GIT2: variants seen among roughly 807,000 people sequenced by gnomAD.
The protein encoded by GIT2 is GIT ArfGAP 2.
In GIT2, 32 loss-of-function variants were observed where a neutral mutation model predicts 100.3. That is an observed-to-expected ratio of 0.32 (90% confidence interval 0.24 to 0.43). The LOEUF is 0.43. Among genes scored for constraint, GIT2 ranks in the 20% least tolerant of loss-of-function variants. The pLI is 1.00. For missense variants in GIT2, 737 were observed against 975.1 expected, an observed-to-expected ratio of 0.76 and a Z score of 3.25; for synonymous variants, 353 against 364.1, an observed-to-expected ratio of 0.97 and a Z score of 0.35.
intron 8 of GIT2, 121 bp downstream of exon 8, chr12:109,967,337 T>C (rs754951239): frequency 8.1e-6 from 13 of 1,597,488 alleles, no homozygotes; most frequent in South Asian, 5.6e-5. Flanking sequence ...CCAAATGGTA[T>C]AGCCATAAAA....
At position 109,947,283 on chromosome 12, in the gene GIT2, CCTG is replaced by C; in HGVS notation, c.1611_1613del (p.Ser537del). On this transcript the variant is annotated inframe_deletion, in exon 15 of 20. Coordinates refer to ENST00000355312, the MANE Select transcript of GIT2 (RefSeq NM_057169.5). The surrounding 1 kb of genome is among the most constrained non-coding windows in gnomAD (Gnocchi z 4.3). ...GCGCGGGGAAGGGCTGGAGTCTCAT[CCTG>C]CTCTCTTCGGGGCGGCTCGCTTCTC... 6.2e-7 allele frequency: 1 copy of C among 1,614,108 alleles called. No homozygotes were observed. The highest frequency in any genetic ancestry group is 8.5e-7 in the Non-Finnish European group (1 of 1,180,004).
At chr12:109,963,838 C>A (rs1234477104) in intron 9 of GIT2, among the ~76,000 whole-genome samples, 2 of 152,156 alleles carry the variant, frequency 1.3e-5, no homozygotes, top group African/African-American at 2.4e-5. Flanking sequence ...CCACTCTGAG[C>A]AGTTCTGGCC....
rs575013343 is a variant in GIT2, at chr12:109,989,603, C to A, written c.299+87G>T. On this transcript the variant is annotated intron_variant, in intron 3 of 19. Coordinates refer to ENST00000355312, the MANE Select transcript of GIT2 (RefSeq NM_057169.5). ...GTAACCCCCTCCTCTGCTGCCCTTGCGGAGACTGACCAAAAATAGCTGCAC... is the reference window on the plus strand; with the variant it reads ...GTAACCCCCTCCTCTGCTGCCCTTGAGGAGACTGACCAAAAATAGCTGCAC... The A allele has an allele frequency of 1.5e-5, 11 of 751,256 alleles. No individual in the cohort carries two copies. In the Admixed American group the frequency reaches 2.1e-4, roughly 15 times the overall value. The allele number at this position is 751,256 out of a possible 1,614,324, so 46.5% of individuals were successfully genotyped here.
chr12:109,998,016 G>C (rs1197396563), upstream of GIT2: 1 of 152,230 alleles, frequency 6.6e-6, no homozygotes, highest in Non-Finnish European at 1.5e-5. Context: ...ACTCTGGTAA[G>C]CAAAACGATG....
In GIT2 at chr12:109,991,707, T is replaced by G. The variant is rs1170274739; in HGVS notation, c.106A>C (p.Ser36Arg). The G allele has an allele frequency of 6.2e-7, 1 of 1,612,538 alleles. No individual in the cohort carries two copies. Among genetic ancestry groups the G allele is most frequent in the East Asian group, 2.2e-5 (1 of 44,878 alleles). Reference protein sequence around the residue: ...RGTFLCDECCSVHRSLGRHIS... With the variant: ...RGTFLCDECCRVHRSLGRHIS... The stretch of plus-strand genomic sequence containing the variant: ...TGGCGCCCTAGACTCCGATGGACAC[T>G]GCAGCACTCATCACATAAAAACGTT... Residue 36 changes from serine (S) to arginine (R), a missense_variant, in exon 2 of 20, where the codon AGT becomes CGT. By Grantham distance (110) the Ser-to-Arg change is moderately radical. This residue lies in a region of GIT2 where 266 missense variants were observed against 376.2 expected (regional missense o/e 0.71). Transcript: ENST00000355312.
At chr12:109,953,376 C>T (rs2136295694) in intron 12 of GIT2, 142 bp from the exon 13 acceptor site, 1 of 770,098 alleles carries the variant, frequency 1.3e-6, no homozygotes, top group South Asian at 1.7e-5. Flanking sequence ...TCCCAGCATT[C>T]TAGGAGGCCA....
At chr12:109,991,522 C>A in intron 2 of GIT2, 105 bp downstream of exon 2, 2 of 817,560 alleles carry the variant, frequency 2.4e-6, no homozygotes, top group Non-Finnish European at 4.0e-6. Flanking sequence ...AATTATGAAA[C>A]AGTTTTGTCT....
At chr12:109,960,596 T>A (rs946788795) in intron 11 of GIT2, among the ~76,000 whole-genome samples, 2 of 151,848 alleles carry the variant, frequency 1.3e-5, no homozygotes, top group African/African-American at 4.8e-5. Context: ...AAAAAAAAAA[T>A]TTAAGTTAAA....
chr12:109,971,451 G>C (rs773485070), intron 7 of GIT2, among the ~76,000 whole-genome samples: 3 of 151,748 alleles, frequency 2.0e-5, no homozygotes, highest in South Asian at 4.2e-4. Flanking sequence ...TCAGCCTCCC[G>C]AATAGCTGGG....
At chr12:109,939,426 T>G (rs1565935547) in intron 16 of GIT2, 179 bp from the exon 17 acceptor site, 10 of 495,884 alleles carry the variant, frequency 2.0e-5, no homozygotes, top group Non-Finnish European at 3.3e-5. Flanking sequence ...AGAAATGGCC[T>G]CTTTCCTTCT....
At chr12:109,935,636 T>A (rs1168392930) in intron 18 of GIT2, among the ~76,000 whole-genome samples, 2 of 152,246 alleles carry the variant, frequency 1.3e-5, no homozygotes, top group Non-Finnish European at 2.9e-5. Context: ...TCCTGACTGA[T>A]CCACCCGCCT....
chr12:109,950,028 A>C (rs1442601599), intron 14 of GIT2, among the ~76,000 whole-genome samples: 1 of 152,246 alleles, frequency 6.6e-6, no homozygotes, highest in East Asian at 1.9e-4. Context: ...GTTTAAGGCT[A>C]GCTGATCTTA....
chr12:109,993,196 G>C (rs527532060), intron 1 of GIT2, among the ~76,000 whole-genome samples: 1 of 152,250 alleles, frequency 6.6e-6, no homozygotes, highest in Admixed American at 6.5e-5. Flanking sequence ...GGATGGATCT[G>C]GGTAAGTAAA....
intron 7 of GIT2, among the ~76,000 whole-genome samples, chr12:109,971,158 A>T (rs2136558612): frequency 6.6e-6 from 1 of 152,324 alleles, no homozygotes; most frequent in South Asian, 2.1e-4. Context: ...TTATACATTT[A>T]TTAACTTGTG....
chr12:109,997,715 C>T (rs1220395506), upstream of GIT2: 1 of 152,074 alleles, frequency 6.6e-6, no homozygotes, highest in African/African-American at 2.4e-5. Context: ...GGATAGTAAC[C>T]CCTCAGTAAA....
At chr12:109,982,594 G>A (rs2136806118) in intron 6 of GIT2, 1 of 150,756 alleles carries the variant, frequency 6.6e-6, no homozygotes, top group African/African-American at 2.4e-5. Flanking sequence ...ATTTTTCAAG[G>A]ACTTTATTAA....
intron 7 of GIT2, among the ~76,000 whole-genome samples, chr12:109,973,882 A>C (rs1364879667): frequency 6.6e-6 from 1 of 151,794 alleles, no homozygotes; most frequent in African/African-American, 2.4e-5. Flanking sequence ...TCTCTACTAA[A>C]AATACAAAAA....
At chr12:109,983,983 G>A in intron 4 of GIT2, 4 of 373,014 alleles carry the variant, frequency 1.1e-5, no homozygotes, top group South Asian at 3.2e-5. Flanking sequence ...GTGAGAGGCA[G>A]GACTGTGTGA....
chr12:109,951,400 C>G (rs1877811418), intron 13 of GIT2, 84 bp from the exon 14 acceptor site: 1 of 1,174,652 alleles, frequency 8.5e-7, no homozygotes, highest in Middle Eastern at 2.3e-4. Context: ...AAATTCTGAC[C>G]AAGCCAGCTG....
Sources: gnomAD v4.1 joint callset for allele counts (sites outside exome capture counted in the v4.1 genomes callset) on GRCh38, gnomAD v4.1.1 for gene constraint, gnomAD v4.1.1 regional missense constraint, Gnocchi (gnomAD v3.1) non-coding constraint, MANE v1.5 for transcripts, NCBI Gene and HGNC (gene_info 2026-07-23, HGNC 2026-07-21) for gene names.